Variants in GK2 observed in about 807,000 individuals in gnomAD.
The protein encoded by GK2 is ATP:glycerol 3-phosphotransferase 2.
In GK2, 10 loss-of-function variants were observed where a neutral mutation model predicts 9.5. The ratio of observed to expected loss-of-function variants is 1.05; its 90% CI spans 0.65 to 1.78. The LOEUF (loss-of-function observed/expected upper bound fraction) is 1.78, where lower values mean the gene tolerates loss of function less well. GK2 is among the 40% of genes most tolerant of loss of function. GK2 has a pLI of 0.00. For synonymous variants in GK2, 228 were observed against 229.9 expected (o/e 0.99, Z 0.07); for missense variants, 643 against 669.0 (o/e 0.96, Z 0.43).
rs766967391 is a variant in GK2, at chr4:79,407,334, C to G, written c.867G>C (p.Thr289=). 6.2e-7 allele frequency: 1 copy of G among 1,614,052 alleles called. No homozygotes were observed. Among genetic ancestry groups the G allele is most frequent in the East Asian group, 2.2e-5 (1 of 44,886 alleles). The change falls in exon 1 of 1, where the codon ACG becomes ACC. Residue 289 remains threonine (T), a synonymous_variant. Coordinates refer to ENST00000358842, the MANE Select transcript of GK2 (RefSeq NM_033214.3). ...GTTCAGAAAACACACATTTACGACC[C>G]GTATTACACAGTAAGAAGCAACCTG... ...YGTGCFLLCN[T]GRKCVFSEHG... is the part of the protein sequence containing the mutation.
chr4:79,406,582 A>G lies in GK2; in HGVS notation c.1619T>C (p.Met540Thr). 6.2e-7 allele frequency: 1 copy of G among 1,613,776 alleles called. No individual in the cohort carries two copies. Among genetic ancestry groups the G allele is most frequent in the Non-Finnish European group, 8.5e-7 (1 of 1,179,636 alleles). ...LPLGFFIVSS[M>T]VMLIGARYIS... ...ATATCTTGCTCCAATTAGCATTACC[A>G]TGCTACTCACTATAAAAAATCCCAA... Residue 540 changes from methionine (M) to threonine (T), a missense_variant, in exon 1 of 1, where the codon ATG becomes ACG. Coordinates refer to ENST00000358842, the MANE Select transcript of GK2 (RefSeq NM_033214.3).
At position 79,406,569 on chromosome 4, in the gene GK2, A is replaced by G. The variant is rs752104063; in HGVS notation, c.1632T>C (p.Ile544=). ...FFIVSSMVML[I]GARYISGVP is the part of the protein sequence containing the mutation. ...GCACACCCGAGATATATCTTGCTCC[A>G]ATTAGCATTACCATGCTACTCACTA... Residue 544 remains isoleucine, a synonymous_variant, in exon 1 of 1, where the codon ATT becomes ATC. Coordinates refer to ENST00000358842, the MANE Select transcript of GK2 (RefSeq NM_033214.3). The G allele has an allele frequency of 6.2e-7, 1 of 1,609,898 alleles. No homozygotes were observed. The highest frequency in any genetic ancestry group is 2.2e-5 in the East Asian group (1 of 44,874).
rs1291639928 is a variant in GK2, at chr4:79,407,106, T to G, written c.1095A>C (p.Ser365=). The change falls in exon 1 of 1, where the codon TCA becomes TCC. Residue 365 remains serine (S), a synonymous_variant. Transcript: ENST00000358842. The part of the protein sequence containing the change: ...SYGCYFVPAF[S]GLYAPYWEPS... ...GCTCCCAATAAGGTGCATATAACCC[T>G]GAAAAGGCTGGGACAAAGTAACAGC... The G allele has an allele frequency of 6.2e-7, 1 of 1,614,176 alleles. No homozygotes were observed. Among genetic ancestry groups the G allele is most frequent in the African/African-American group, 1.3e-5 (1 of 75,040 alleles).
rs540825507 is a variant in GK2, at chr4:79,407,785, G to A, written c.416C>T (p.Ser139Phe). The part of the protein sequence containing the change: ...KIPGNSNFVK[S>F]KTGLPLSTYF... ...AGTGCTGAGTGGAAGGCCTGTCTTA[G>A]ACTTGACGAAGTTACTATTTCCTGG... Residue 139 changes from serine (S) to phenylalanine (F), a missense_variant, in exon 1 of 1, where the codon TCT becomes TTT. Transcript: ENST00000358842. The A allele has an allele frequency of 1.5e-5, 24 of 1,614,154 alleles. No individual in the cohort carries two copies. In the Admixed American group the frequency reaches 1.8e-4, roughly 12 times the overall value.
chr4:79,408,132 A>C lies in GK2; in HGVS notation c.69T>G (p.Thr23=). 1 of 1,613,798 alleles carries C rather than the reference A, an allele frequency of 6.2e-7. No homozygotes were observed. Residue 23 remains threonine, a synonymous_variant, in exon 1 of 1, where the codon ACT becomes ACG. Transcript: ENST00000358842. ...TTTTTGAATTGAAAACCAGAAAGCG[A>C]GTGGAGTTGGTGCCCTGGACCACCG... ...VGAVVQGTNS[T]RFLVFNSKTA... is the part of the protein sequence containing the mutation.
In GK2 at chr4:79,407,517, G is replaced by T. The variant is rs1328873886; in HGVS notation, c.684C>A (p.Asp228Glu). The T allele has an allele frequency of 1.2e-6, 2 of 1,614,078 alleles. No homozygotes were observed. The highest frequency in any genetic ancestry group is 1.7e-6 in the Non-Finnish European group (2 of 1,179,982). ...ELCDFFEIPMDLLPNVFSSSE... is the reference protein window; with the variant it reads ...ELCDFFEIPMELLPNVFSSSE... ...AAGAACTGAAGACATTTGGAAGAAGGTCCATTGGAATTTCAAAAAAGTCAC... is the reference window on the plus strand; with the variant it reads ...AAGAACTGAAGACATTTGGAAGAAGTTCCATTGGAATTTCAAAAAAGTCAC... Residue 228 changes from aspartate to glutamate, a missense_variant, in exon 1 of 1, where the codon GAC becomes GAA. Transcript: ENST00000358842.
rs753261035 is a variant in GK2 at position 79,407,635 on chromosome 4, C to A, written c.566G>T (p.Gly189Val). 6.8e-6 allele frequency: 11 copies of A among 1,614,184 alleles called. No individual in the cohort carries two copies. Among genetic ancestry groups the A allele is most frequent in the Non-Finnish European group, 9.3e-6 (11 of 1,180,018 alleles). Residue 189 changes from glycine to valine, a missense_variant, in exon 1 of 1, where the codon GGA becomes GTA. Coordinates refer to ENST00000358842, the MANE Select transcript of GK2 (RefSeq NM_033214.3). ...TGTACAATGCACGCCTCCATTAACT[C>A]CTCCTGTCAAACTCCAGATAAGCCA... ...DSWLIWSLTG[G>V]VNGGVHCTDV...
In GK2 at chr4:79,407,930, T is replaced by C; in HGVS notation, c.271A>G (p.Ser91Gly). ...ATTACAGTGGTTTCCCTCTGATTGC[T>C]GACACCAACAGCTTTTATGTTGGAT... The part of the protein sequence containing the change: ...DISNIKAVGV[S>G]NQRETTVIWD... The change falls in exon 1 of 1, where the codon AGC becomes GGC. Residue 91 changes from serine (S) to glycine (G), a missense_variant. Ser to Gly is a moderately conservative substitution (Grantham distance 56). Coordinates refer to ENST00000358842, the MANE Select transcript of GK2 (RefSeq NM_033214.3). 6.2e-7 allele frequency: 1 copy of C among 1,614,204 alleles called. No homozygotes were observed. The highest frequency in any genetic ancestry group is 8.5e-7 in the Non-Finnish European group (1 of 1,180,034).
rs146763439 is a variant in GK2 at position 79,408,102 on chromosome 4, C to T, written c.99G>A (p.Ala33=). 69 of 1,614,164 alleles carry T rather than the reference C, an allele frequency of 4.3e-5. No homozygotes were observed. The highest frequency in any genetic ancestry group is 1.2e-4 in the Admixed American group (7 of 60,026). The change falls in exon 1 of 1, where the codon GCG becomes GCA. Residue 33 remains alanine (A), a synonymous_variant. Transcript: ENST00000358842. ...TRFLVFNSKT[A]ELLSHHKVEL... Reference sequence around the variant, plus strand: ...CCACTTTGTGATGACTAAGTAGTTCCGCTGTTTTTGAATTGAAAACCAGAA... The same window carrying T: ...CCACTTTGTGATGACTAAGTAGTTCTGCTGTTTTTGAATTGAAAACCAGAA...
Position 79,407,205 on chromosome 4 carries a change from T to C in GK2, c.996A>G (p.Leu332=), listed in dbSNP as rs1443711888. 1.2e-6 allele frequency: 2 copies of C among 1,614,078 alleles called. No individual in the cohort carries two copies. Among genetic ancestry groups the C allele is most frequent in the Admixed American group, 3.3e-5 (2 of 60,010 alleles). ...TCTCTATAATTCCAAGATTGTCTCT[T>C]AGCCAACGAATAACAGCACCTGCTA... ...VAIAGAVIRW[L]RDNLGIIETS... is the part of the protein sequence containing the mutation. The change falls in exon 1 of 1, where the codon CTA becomes CTG. Residue 332 remains leucine (L), a synonymous_variant. Coordinates refer to ENST00000358842, the MANE Select transcript of GK2 (RefSeq NM_033214.3).
At position 79,406,812 on chromosome 4, in the gene GK2, T is replaced by C. The variant is rs556080658; in HGVS notation, c.1389A>G (p.Ala463=). Residue 463 remains alanine (A), a synonymous_variant, in exon 1 of 1, where the codon GCA becomes GCG. Coordinates refer to ENST00000358842, the MANE Select transcript of GK2 (RefSeq NM_033214.3). ...ETTALGAAMA[A]GAAEGVSVWS... is the part of the protein sequence containing the mutation. Reference sequence around the variant, plus strand: ...AAACGCTTACTCCCTCTGCAGCCCCTGCTGCCATGGCAGCTCCTAGTGCAG... The same window carrying C: ...AAACGCTTACTCCCTCTGCAGCCCCCGCTGCCATGGCAGCTCCTAGTGCAG... 90 of 1,614,204 alleles carry C rather than the reference T, an allele frequency of 5.6e-5. No individual in the cohort carries two copies. In the South Asian group the frequency reaches 9.6e-4, roughly 17 times the overall value.
rs143875620 is a variant in GK2, at chr4:79,407,329, C to T, written c.872G>A (p.Arg291His). 6.8e-5 allele frequency: 110 copies of T among 1,614,194 alleles called. No individual in the cohort carries two copies. In the African/African-American group the frequency reaches 7.3e-4, roughly 11 times the overall value. Reference sequence around the variant, plus strand: ...GCCATGTTCAGAAAACACACATTTACGACCCGTATTACACAGTAAGAAGCA... The same window carrying T: ...GCCATGTTCAGAAAACACACATTTATGACCCGTATTACACAGTAAGAAGCA... ...TGCFLLCNTG[R>H]KCVFSEHGLL... Residue 291 changes from arginine (R) to histidine (H), a missense_variant, in exon 1 of 1, where the codon CGT becomes CAT. Coordinates refer to ENST00000358842, the MANE Select transcript of GK2 (RefSeq NM_033214.3).
chr4:79,407,503 A>C lies in GK2; in HGVS notation c.698T>G (p.Val233Gly). ...GCCATAGATCTCAGAAGAACTGAAG[A>C]CATTTGGAAGAAGGTCCATTGGAAT... ...FEIPMDLLPNVFSSSEIYGLI... is the reference protein window; with the variant it reads ...FEIPMDLLPNGFSSSEIYGLI... The change falls in exon 1 of 1, where the codon GTC becomes GGC. Residue 233 changes from valine to glycine, a missense_variant. Coordinates refer to ENST00000358842, the MANE Select transcript of GK2 (RefSeq NM_033214.3). 6.2e-7 allele frequency: 1 copy of C among 1,614,164 alleles called. No individual in the cohort carries two copies. Among genetic ancestry groups the C allele is most frequent in the Non-Finnish European group, 8.5e-7 (1 of 1,179,988 alleles).
At position 79,406,949 on chromosome 4, in the gene GK2, G is replaced by C. The variant is rs1725866444; in HGVS notation, c.1252C>G (p.Pro418Ala). Residue 418 changes from proline to alanine, a missense_variant, in exon 1 of 1, where the codon CCA becomes GCA. Pro to Ala is a conservative substitution (Grantham distance 27). Transcript: ENST00000358842. ...CCATCTACCTGCAAATGACGAAGTG[G>C]AATTCCACAGTCACGGTTCATGGCT... is the stretch of plus-strand genomic sequence containing the variant. ...LEAMNRDCGIPLRHLQVDGGM... is the reference protein window; with the variant it reads ...LEAMNRDCGIALRHLQVDGGM... The C allele has an allele frequency of 6.2e-6, 10 of 1,614,172 alleles. No homozygotes were observed. Among genetic ancestry groups the C allele is most frequent in the Non-Finnish European group, 8.5e-6 (10 of 1,180,020 alleles).
rs574281533 is a variant in GK2 at position 79,408,156 on chromosome 4, C to T, written c.45G>A (p.Ala15=). 8 of 1,610,566 alleles carry T rather than the reference C, an allele frequency of 5.0e-6. No individual in the cohort carries two copies. The highest frequency in any genetic ancestry group is 1.7e-5 in the Admixed American group (1 of 59,760). ...KTAAVGPLVG[A]VVQGTNSTRF... is the part of the protein sequence containing the mutation. ...GAGTGGAGTTGGTGCCCTGGACCAC[C>T]GCTCCCACCAACGGCCCCACAGCTG... The change falls in exon 1 of 1, where the codon GCG becomes GCA. Residue 15 remains alanine, a synonymous_variant. Transcript: ENST00000358842.
chr4:79,408,064 T>C lies in GK2; in HGVS notation c.137A>G (p.Glu46Gly), dbSNP rs918284792. The change falls in exon 1 of 1, where the codon GAG becomes GGG. Residue 46 changes from glutamate to glycine, a missense_variant. Glu to Gly is a moderately conservative substitution (Grantham distance 98). Transcript: ENST00000358842. ...LSHHKVELTQ[E>G]FPKEGWVEQD... ...TTCCACCCATCCTTCTTTTGGGAAC[T>C]CTTGTGTTAATTCCACTTTGTGATG... is the stretch of plus-strand genomic sequence containing the variant. The C allele has an allele frequency of 2.5e-6, 4 of 1,614,252 alleles. No individual in the cohort carries two copies. Among genetic ancestry groups the C allele is most frequent in the East Asian group, 4.5e-5 (2 of 44,888 alleles).
rs781360321 is a variant in GK2, at chr4:79,406,655, T to TGGTA, written c.1542_1545dup (p.Ser516TyrfsTer6). 35 of 1,614,038 alleles carry TGGTA rather than the reference T, an allele frequency of 2.2e-5. No homozygotes were observed. Among genetic ancestry groups the TGGTA allele is most frequent in the Middle Eastern group, 3.3e-4 (2 of 6,062 alleles). ...GGATCACCACCTTCAGGAGACTGAC[T>TGGTA]GGTAACCCAACCCATTGACTTCATT... is the stretch of plus-strand genomic sequence containing the variant. On this transcript the variant is annotated frameshift_variant, in exon 1 of 1. Coordinates refer to ENST00000358842, the MANE Select transcript of GK2 (RefSeq NM_033214.3). LOFTEE classifies it low-confidence loss of function (END_TRUNC).
chr4:79,407,153 T>C lies in GK2; in HGVS notation c.1048A>G (p.Lys350Glu), dbSNP rs1341570320. 1.2e-6 allele frequency: 2 copies of C among 1,614,052 alleles called. No individual in the cohort carries two copies. The highest frequency in any genetic ancestry group is 1.7e-5 in the Admixed American group (1 of 60,028). The change falls in exon 1 of 1, where the codon AAA becomes GAA. Residue 350 changes from lysine (K) to glutamate (E), a missense_variant. Physicochemically the swap from Lys to Glu is moderately conservative, Grantham distance 56. Transcript: ENST00000358842. ...ETSGDIERLA[K>E]EVGTSYGCYF... ...CAGCCATAAGAAGTTCCTACTTCTT[T>C]AGCAAGTCTTTCAATGTCTCCTGAG...
rs765770679 is a variant in GK2 at position 79,407,629 on chromosome 4, T to C, written c.572A>G (p.Asn191Ser). Residue 191 changes from asparagine to serine, a missense_variant, in exon 1 of 1, where the codon AAT becomes AGT. Physicochemically the swap from Asn to Ser is conservative, Grantham distance 46 (BLOSUM62 1). Coordinates refer to ENST00000358842, the MANE Select transcript of GK2 (RefSeq NM_033214.3). ...TACATCTGTACAATGCACGCCTCCA[T>C]TAACTCCTCCTGTCAAACTCCAGAT... ...WLIWSLTGGV[N>S]GGVHCTDVTN... 9.9e-6 allele frequency: 16 copies of C among 1,614,066 alleles called. No homozygotes were observed. Among genetic ancestry groups the C allele is most frequent in the Non-Finnish European group, 1.4e-5 (16 of 1,180,016 alleles).
Sources: gnomAD v4.1 joint callset for allele counts on GRCh38, gnomAD v4.1.1 for gene constraint, MANE v1.5 for transcripts, NCBI Gene and HGNC (gene_info 2026-07-23, HGNC 2026-07-21) for gene names.